Variants in UBASH3B observed in about 807,000 individuals in gnomAD.
The protein encoded by UBASH3B is ubiquitin-associated and SH3 domain-containing protein B.
In UBASH3B, 37 loss-of-function variants were observed where a neutral mutation model predicts 83.4. That is an observed-to-expected ratio of 0.44 (90% CI 0.34 to 0.58). The LOEUF (loss-of-function observed/expected upper bound fraction) is 0.58, where lower values mean the gene tolerates loss of function less well. Among genes scored for constraint, UBASH3B ranks in the 20% least tolerant of loss-of-function variants. The probability of loss-of-function intolerance (pLI) is 0.01; values close to 1 mark genes in which losing one functional copy is unlikely to be tolerated. For synonymous variants in UBASH3B, 304 were observed against 318.3 expected, an observed-to-expected ratio of 0.96 and a Z score of 0.48; for missense variants, 657 against 827.2, an observed-to-expected ratio of 0.79 and a Z score of 2.52.
At chr11:122,748,102 ATACC>A (rs1300297496) in intron 1 of UBASH3B, among the ~76,000 whole-genome samples, 1 of 152,256 alleles carries the variant, frequency 6.6e-6, no homozygotes, top group Non-Finnish European at 1.5e-5. Flanking sequence ...GAGAGCAAGA[ATACC>A]TCCCTTGTGT....
intron 9 of UBASH3B, 40 bp downstream of exon 9, chr11:122,797,073 C>T (rs755894243): frequency 6.5e-6 from 10 of 1,545,406 alleles, no homozygotes; most frequent in Middle Eastern, 1.8e-4. Context: ...GCATTTCTTG[C>T]CTCCTCCTTC....
At chr11:122,781,456 A>G (rs1860851644) in intron 4 of UBASH3B, among the ~76,000 whole-genome samples, 1 of 152,234 alleles carries the variant, frequency 6.6e-6, no homozygotes, top group African/African-American at 2.4e-5. Flanking sequence ...AGGGCCGCAC[A>G]GATTCTTGGA....
chr11:122,790,163 T>C (rs1861026623), intron 6 of UBASH3B, among the ~76,000 whole-genome samples: 1 of 152,208 alleles, frequency 6.6e-6, no homozygotes, highest in Non-Finnish European at 1.5e-5. Context: ...GCTTGGTGGC[T>C]AATATTGTTA....
intron 1 of UBASH3B, among the ~76,000 whole-genome samples, chr11:122,756,458 CT>C (rs1439609762): frequency 1.3e-5 from 2 of 152,150 alleles, no homozygotes; most frequent in Admixed American, 6.5e-5. Flanking sequence ...CTTACACTGC[CT>C]TTTTTTCCTG....
chr11:122,730,145 G>A (rs1057081291), intron 1 of UBASH3B, among the ~76,000 whole-genome samples: 17 of 152,244 alleles, frequency 1.1e-4, no homozygotes, highest in East Asian at 3.9e-4. Context: ...AATTAGTTGG[G>A]CATGATGGTG....
intron 1 of UBASH3B, among the ~76,000 whole-genome samples, chr11:122,744,873 C>CGTGTG (rs1555142485): frequency 2.2e-5 from 3 of 139,522 alleles, no homozygotes; most frequent in African/African-American, 2.7e-5. Context: ...ATGTGTGACT[C>CGTGTG]TGTGTGTGTG....
intron 3 of UBASH3B, among the ~76,000 whole-genome samples, chr11:122,778,545 C>T (rs1457202778): frequency 1.5e-5 from 2 of 130,344 alleles, no homozygotes; most frequent in African/African-American, 3.1e-5. Context: ...TCTCCTGTCA[C>T]ATTCCTTCAT....
intron 1 of UBASH3B, among the ~76,000 whole-genome samples, chr11:122,746,297 C>T (rs1565550119): frequency 6.6e-6 from 1 of 152,110 alleles, no homozygotes; most frequent in Non-Finnish European, 1.5e-5. Context: ...AGAGCTCTTT[C>T]GGTAGGGAGG....
At chr11:122,766,406 G>A (rs1212368208) in intron 1 of UBASH3B, among the ~76,000 whole-genome samples, 1 of 152,166 alleles carries the variant, frequency 6.6e-6, no homozygotes, top group African/African-American at 2.4e-5. Flanking sequence ...TTAGCCAGGC[G>A]AGGTAGCGGG....
chr11:122,783,225 A>G lies in UBASH3B; in HGVS notation c.771+3A>G, dbSNP rs760629401. The G allele has an allele frequency of 2.5e-6, 4 of 1,613,224 alleles. No homozygotes were observed. The highest frequency in any genetic ancestry group is 4.5e-5 in the East Asian group (2 of 44,864). On this transcript the variant is annotated splice_donor_region_variant and intron_variant, in intron 5 of 13. Coordinates refer to ENST00000284273, the MANE Select transcript of UBASH3B (RefSeq NM_032873.5). ...ATATCCGATTTGCTAACCATGAGGTAATGTCTCACTGTGGTTCCAGAAGCT... is the reference window on the plus strand; with the variant it reads ...ATATCCGATTTGCTAACCATGAGGTGATGTCTCACTGTGGTTCCAGAAGCT...
intron 1 of UBASH3B, among the ~76,000 whole-genome samples, chr11:122,675,040 T>C (rs1426330863): frequency 6.6e-6 from 1 of 152,200 alleles, no homozygotes; most frequent in African/African-American, 2.4e-5. Flanking sequence ...GCAGTTAGTA[T>C]TAATAAACCC....
chr11:122,770,867 T>G (rs1263634061), intron 1 of UBASH3B, among the ~76,000 whole-genome samples: 1 of 152,206 alleles, frequency 6.6e-6, no homozygotes, highest in Non-Finnish European at 1.5e-5. Context: ...AACCTCTCAA[T>G]GTGTTCTTCC....
intron 1 of UBASH3B, among the ~76,000 whole-genome samples, chr11:122,681,424 G>A (rs539983765): frequency 1.3e-4 from 20 of 152,256 alleles, no homozygotes; most frequent in Middle Eastern, 3.4e-3. Flanking sequence ...TGATGCTTTG[G>A]TTTTGGACAC....
intron 1 of UBASH3B, among the ~76,000 whole-genome samples, chr11:122,673,088 T>C (rs1435190313): frequency 1.3e-5 from 2 of 152,254 alleles, no homozygotes; most frequent in Non-Finnish European, 2.9e-5. Context: ...GGCCAGCCAC[T>C]GTCTGGCCTC....
At chr11:122,673,537 T>C (rs548657208) in intron 1 of UBASH3B, among the ~76,000 whole-genome samples, 49 of 152,242 alleles carry the variant, frequency 3.2e-4, no homozygotes, top group African/African-American at 1.1e-3. Flanking sequence ...CGGGCGCCTG[T>C]AGTCCCAGCT....
chr11:122,746,103 C>T (rs1336248924), intron 1 of UBASH3B, among the ~76,000 whole-genome samples: 2 of 152,134 alleles, frequency 1.3e-5, no homozygotes, highest in East Asian at 1.9e-4. Context: ...GCTCCGTGCC[C>T]GCCCTTGTGT....
chr11:122,676,858 T>C (rs552795985), intron 1 of UBASH3B, among the ~76,000 whole-genome samples: 2 of 152,298 alleles, frequency 1.3e-5, no homozygotes, highest in East Asian at 3.9e-4. Context: ...GCCCCCAGGC[T>C]CTTCTGTGTG....
At chr11:122,781,102 C>T (rs571953622) in intron 4 of UBASH3B, among the ~76,000 whole-genome samples, 3 of 152,062 alleles carry the variant, frequency 2.0e-5, no homozygotes, top group Non-Finnish European at 4.4e-5. Context: ...ACAGTGCTCT[C>T]GGAAGGAACA....
At chr11:122,749,371 A>G (rs985690602) in intron 1 of UBASH3B, among the ~76,000 whole-genome samples, 7 of 152,264 alleles carry the variant, frequency 4.6e-5, no homozygotes, top group Non-Finnish European at 7.3e-5. Context: ...CACTTCATGT[A>G]TTGGCAACAC....
Sources: gnomAD v4.1 joint callset for allele counts (sites outside exome capture counted in the v4.1 genomes callset) on GRCh38, gnomAD v4.1.1 for gene constraint, MANE v1.5 for transcripts, NCBI Gene and HGNC (gene_info 2026-07-23, HGNC 2026-07-21) for gene names.